The following KLF15 variants were observed in gnomAD, a reference collection of about 807,000 sequenced individuals.
The protein encoded by KLF15 is Krueppel-like factor 15.
KLF15 carries 4 observed loss-of-function variants against 24.6 expected under a neutral mutation model. The ratio of observed to expected loss-of-function variants is 0.16; its 90% CI spans 0.08 to 0.37. The LOEUF is 0.37. Among genes scored for constraint, KLF15 ranks in the 10% least tolerant of loss-of-function variants. KLF15 has a pLI of 1.00. For missense variants in KLF15, 496 were observed against 560.6 expected (o/e 0.88, Z 1.16); for synonymous variants, 246 against 236.3 (o/e 1.04, Z -0.37).
chr3:126,333,454 C>T, the KLF15 span, among the ~76,000 whole-genome samples: 1 of 148,550 alleles, frequency 6.7e-6, no homozygotes, highest in Non-Finnish European at 1.5e-5. Context: ...CCAGTACCAG[C>T]CGCTGCAAAA....
At chr3:126,316,761 G>C in the KLF15 span, among the ~76,000 whole-genome samples, 1 of 152,086 alleles carries the variant, frequency 6.6e-6, no homozygotes, top group African/African-American at 2.4e-5. Flanking sequence ...GAGTGGGGAA[G>C]GGAGTGCACA....
chr3:126,323,064 C>T, the KLF15 span, among the ~76,000 whole-genome samples: 25 of 147,176 alleles, frequency 1.7e-4, no homozygotes, highest in Admixed American at 6.8e-5. Flanking sequence ...TGTGATTATA[C>T]ATATTGACAT....
chr3:126,300,980 G>A, the KLF15 span, among the ~76,000 whole-genome samples: 1 of 152,210 alleles, frequency 6.6e-6, no homozygotes, highest in Non-Finnish European at 1.5e-5. Flanking sequence ...GAGGGTCCAG[G>A]TGAAGGGGTG....
chr3:126,333,410 T>C, the KLF15 span, among the ~76,000 whole-genome samples: 4 of 148,832 alleles, frequency 2.7e-5, no homozygotes, highest in Non-Finnish European at 6.0e-5. Context: ...CTAAAAGAGC[T>C]CCTGAAGGAA....
the KLF15 span, among the ~76,000 whole-genome samples, chr3:126,300,756 C>G: frequency 1.3e-5 from 2 of 152,180 alleles, no homozygotes; most frequent in African/African-American, 4.8e-5. Context: ...GCCTGCTGAC[C>G]GGGGCAGGAT....
the KLF15 span, among the ~76,000 whole-genome samples, chr3:126,301,114 G>A: frequency 6.6e-6 from 1 of 152,132 alleles, no homozygotes; most frequent in Non-Finnish European, 1.5e-5. Context: ...GGCTAAATCA[G>A]TGAATGCTCT....
chr3:126,295,906 T>G, the KLF15 span, among the ~76,000 whole-genome samples: 17 of 152,162 alleles, frequency 1.1e-4, no homozygotes, highest in African/African-American at 4.1e-4. Context: ...CCCTGATGCT[T>G]CTTCTTAGTC....
At chr3:126,344,580 T>C (rs2082516887) in intron 2 of KLF15, among the ~76,000 whole-genome samples, 2 of 152,190 alleles carry the variant, frequency 1.3e-5, no homozygotes, top group South Asian at 4.1e-4. Flanking sequence ...TGATGCTGGC[T>C]GCCTCTCACC....
the KLF15 span, among the ~76,000 whole-genome samples, chr3:126,323,387 T>C: frequency 9.4e-6 from 1 of 106,684 alleles, no homozygotes; most frequent in African/African-American, 3.6e-5. Context: ...GATATTCTCT[T>C]ACTTAGCCCC....
chr3:126,339,275 C>A (rs191152039), downstream of KLF15, among the ~76,000 whole-genome samples: 29 of 152,338 alleles, frequency 1.9e-4, no homozygotes, highest in Non-Finnish European at 2.8e-4. Flanking sequence ...CATGCCCACT[C>A]CTGACGTTCT....
chr3:126,326,772 G>A, the KLF15 span, among the ~76,000 whole-genome samples: 1 of 152,010 alleles, frequency 6.6e-6, no homozygotes, highest in Non-Finnish European at 1.5e-5. Flanking sequence ...AAAATTTTAA[G>A]TTATTAGTTT....
chr3:126,307,554 C>A, the KLF15 span, among the ~76,000 whole-genome samples: 331 of 152,320 alleles, frequency 2.2e-3, 2 homozygotes, highest in African/African-American at 7.8e-3. Flanking sequence ...ACACAGCCAG[C>A]GCTACAGCAC....
the KLF15 span, among the ~76,000 whole-genome samples, chr3:126,331,982 C>T: frequency 9.9e-5 from 15 of 152,250 alleles, no homozygotes; most frequent in South Asian, 2.1e-4. Flanking sequence ...AAGGCGCCAG[C>T]GAGGCTGGGG....
chr3:126,338,976 G>C (rs1382641142), downstream of KLF15, among the ~76,000 whole-genome samples: 1 of 152,222 alleles, frequency 6.6e-6, no homozygotes, highest in Admixed American at 6.5e-5. Flanking sequence ...AGAACAGCCT[G>C]GGGACCGGCT....
the KLF15 span, among the ~76,000 whole-genome samples, chr3:126,304,977 A>G: frequency 2.0e-5 from 3 of 152,224 alleles, no homozygotes; most frequent in East Asian, 5.8e-4. Context: ...CAGTCCCGCA[A>G]GTAGTAAATG....
At chr3:126,316,663 G>C in the KLF15 span, among the ~76,000 whole-genome samples, 4 of 142,964 alleles carry the variant, frequency 2.8e-5, no homozygotes, top group East Asian at 4.4e-4. Flanking sequence ...GGAAGGGAGT[G>C]CACAGGCTGG....
the KLF15 span, among the ~76,000 whole-genome samples, chr3:126,331,615 C>T: frequency 6.6e-6 from 1 of 152,144 alleles, no homozygotes; most frequent in Non-Finnish European, 1.5e-5. Context: ...GGGGGAGGAG[C>T]CAAGATGGCC....
chr3:126,352,440 C>T lies in KLF15; in HGVS notation c.483G>A (p.Glu161=), dbSNP rs750607442. ...NMEPGVKEVP[E]GNSKDLDACS... ...AGGCATCCAAGTCCTTGCTGTTGCC[C>T]TCAGGGACCTCCTTGACTCCAGGCT... The change falls in exon 2 of 3, where the codon GAG becomes GAA. Residue 161 remains glutamate (E), a synonymous_variant. Coordinates refer to ENST00000296233, the MANE Select transcript of KLF15 (RefSeq NM_014079.4). 6.2e-7 allele frequency: 1 copy of T among 1,613,620 alleles called. No homozygotes were observed. Among genetic ancestry groups the T allele is most frequent in the Admixed American group, 1.7e-5 (1 of 60,030 alleles).
chr3:126,317,092 T>C, the KLF15 span, among the ~76,000 whole-genome samples: 9 of 152,056 alleles, frequency 5.9e-5, no homozygotes, highest in Admixed American at 5.9e-4. Context: ...ACCCATTAAG[T>C]CAAACACTGC....
Sources: gnomAD v4.1 joint callset for allele counts (sites outside exome capture counted in the v4.1 genomes callset) on GRCh38, gnomAD v4.1.1 for gene constraint, MANE v1.5 for transcripts, NCBI Gene and HGNC (gene_info 2026-07-23, HGNC 2026-07-21) for gene names.